RABL6: variants seen among roughly 807,000 people sequenced by gnomAD.
The protein encoded by RABL6 is rab-like protein 6.
A neutral mutation model predicts 72.9 loss-of-function variants in RABL6; 28 were observed. That is an observed-to-expected ratio of 0.38 (90% CI 0.28 to 0.53). The LOEUF (loss-of-function observed/expected upper bound fraction) is 0.53, where lower values mean the gene tolerates loss of function less well. Among genes scored for constraint, RABL6 ranks in the 20% least tolerant of loss-of-function variants. RABL6 has a pLI of 0.80. For synonymous variants in RABL6, 477 were observed against 421.2 expected (o/e 1.13, Z -1.62); for missense variants, 1,029 against 1,008.4 (o/e 1.02, Z -0.28).
intron 1 of RABL6, chr9:136,809,350 C>A: frequency 5.2e-6 from 1 of 193,378 alleles, no homozygotes; most frequent in South Asian, 8.5e-5. Flanking sequence ...GTGAAGATGT[C>A]GCCTTCCTTA....
Position 136,826,046 on chromosome 9 carries a change from C to T in RABL6, c.313+220C>T, listed in dbSNP as rs920047920. On this transcript the variant is annotated intron_variant, in intron 3 of 14. Coordinates refer to ENST00000311502, the MANE Select transcript of RABL6 (RefSeq NM_024718.5). This position sits in a 1 kb window ranked among gnomAD's most constrained non-coding sequence, Gnocchi z 4.9. ...TGCTTTGCTGCTTTAGCATACTCCC[C>T]GTCTCTGAGTGACCGCGTGCACGGT... 2.0e-5 allele frequency among the ~76,000 whole-genome samples: 3 copies of T among 152,180 alleles called. No individual in the cohort carries two copies. The highest frequency in any genetic ancestry group is 7.2e-5 in the African/African-American group (3 of 41,426).
intron 1 of RABL6, chr9:136,821,416 C>T (rs1166338791): frequency 5.1e-6 from 5 of 985,394 alleles, no homozygotes; most frequent in South Asian, 4.7e-5. Flanking sequence ...GGTGCCGGGG[C>T]GGGGAGGCAG....
At position 136,840,357 on chromosome 9, in the gene RABL6, CAAG is replaced by C. The variant is rs760329843; in HGVS notation, c.2030_2032del (p.Lys677del). 4 of 1,559,434 alleles carry C rather than the reference CAAG, an allele frequency of 2.6e-6. No individual in the cohort carries two copies. Among genetic ancestry groups the C allele is most frequent in the South Asian group, 1.2e-5 (1 of 85,496 alleles). On this transcript the variant is annotated inframe_deletion, in exon 15 of 15. Transcript: ENST00000311502. ...AAGCTGCCAAGAAGAAGAGCAAACA[CAAG>C]AAGAGCAAGGACAAGGAGGAGGGCA...
chr9:136,837,829 C>T (rs191160714), intron 9 of RABL6, 33 bp from the exon 10 acceptor site: 114 of 1,544,626 alleles, frequency 7.4e-5, no homozygotes, highest in Admixed American at 4.1e-4. Context: ...GTTCTGGTGC[C>T]GAGTGAAGAG....
At chr9:136,824,844 G>A (rs1408992417) in intron 2 of RABL6, among the ~76,000 whole-genome samples, 2 of 152,212 alleles carry the variant, frequency 1.3e-5, no homozygotes, top group South Asian at 2.1e-4. Context: ...CAGGGCCGGC[G>A]CACAGAAGCT....
At chr9:136,813,574 T>C in intron 1 of RABL6, 1 of 361,706 alleles carries the variant, frequency 2.8e-6, no homozygotes, top group Non-Finnish European at 5.2e-6. Context: ...CCTTTACTCT[T>C]CCCATCCTTG....
chr9:136,808,984 T>C (rs1847941023), intron 1 of RABL6: 1 of 152,200 alleles, frequency 6.6e-6, no homozygotes. Flanking sequence ...GACGCTCCAT[T>C]CCTTTGTTAT....
intron 2 of RABL6, among the ~76,000 whole-genome samples, chr9:136,824,752 G>C: frequency 6.6e-6 from 1 of 152,212 alleles, no homozygotes; most frequent in African/African-American, 2.4e-5. Context: ...CTGCTGTGCA[G>C]GAACAGCCGT....
At position 136,835,711 on chromosome 9, in the gene RABL6, C is replaced by G. The variant is rs763591742; in HGVS notation, c.706-31C>G. On this transcript the variant is annotated intron_variant, in intron 7 of 14. Coordinates refer to ENST00000311502, the MANE Select transcript of RABL6 (RefSeq NM_024718.5). ...GGGGCACTCGCAGCAGGAAGGAGCC[C>G]TGCTCAGGCCTGCGTGCTCCCTTTC... The G allele has an allele frequency of 7.2e-6, 11 of 1,533,956 alleles. No homozygotes were observed. The Admixed American group carries it at 2.2e-4, about 31-fold the overall frequency.
chr9:136,840,660 T>C lies in RABL6; in HGVS notation c.*138T>C, dbSNP rs1341023342. ...TTCTGAGCTGGAAGAGGCCGGGCAT[T>C]GGTGGTCCCCAGGCTGGGCCCTGCA... On this transcript the variant is annotated 3_prime_UTR_variant, in exon 15 of 15. Transcript: ENST00000311502. 1.9e-6 allele frequency: 3 copies of C among 1,549,354 alleles called. No individual in the cohort carries two copies. Among genetic ancestry groups the C allele is most frequent in the South Asian group, 2.4e-5 (2 of 84,024 alleles).
intron 11 of RABL6, 47 bp downstream of exon 11, chr9:136,839,168 G>T (rs748157218): frequency 6.2e-7 from 1 of 1,604,642 alleles, no homozygotes; most frequent in Admixed American, 1.7e-5. Context: ...CCCGGGTGGG[G>T]CAGTTCAGGA....
intron 2 of RABL6, 131 bp downstream of exon 2, chr9:136,823,790 T>A: frequency 8.2e-7 from 1 of 1,219,402 alleles, no homozygotes; most frequent in African/African-American, 1.5e-5. Context: ...CCTGCTGACG[T>A]GGGGGCCCTG....
At chr9:136,818,362 C>CAAAAAAAAAAAAAAAACAAAAA (rs1564360779) in intron 1 of RABL6, among the ~76,000 whole-genome samples, 1 of 15,006 alleles carries the variant, frequency 6.7e-5, no homozygotes, top group Non-Finnish European at 1.2e-4. Context: ...GACTCTGTCT[C>CAAAAAAAAAAAAAAAACAAAAA]AAAAAAAAAA....
chr9:136,810,749 G>A (rs931673272), intron 1 of RABL6, among the ~76,000 whole-genome samples: 2 of 152,164 alleles, frequency 1.3e-5, no homozygotes, highest in Non-Finnish European at 2.9e-5. Context: ...CACCGTGTTA[G>A]CCAGGATGGT....
chr9:136,840,796 T>C lies in RABL6; in HGVS notation c.*274T>C, dbSNP rs1254795974. 6.5e-7 allele frequency: 1 copy of C among 1,547,394 alleles called. No homozygotes were observed. Among genetic ancestry groups the C allele is most frequent in the African/African-American group, 1.4e-5 (1 of 72,924 alleles). On this transcript the variant is annotated 3_prime_UTR_variant, in exon 15 of 15. Transcript: ENST00000311502. Reference sequence around the variant, plus strand: ...GGCCCTCTCGGGGCAGAGCCGCCAGTGTTTCTCAGGGATGTGACTGAGGCC... The same window carrying C: ...GGCCCTCTCGGGGCAGAGCCGCCAGCGTTTCTCAGGGATGTGACTGAGGCC...
rs565192893 is a variant in RABL6 at position 136,821,347 on chromosome 9, G to C, written c.131-2178G>C. 1.1e-3 allele frequency: 1,075 copies of C among 985,412 alleles called. 10 individuals carry two copies. The African/African-American group carries it at 0.017, about 16-fold the overall frequency. 61.0% of individuals were successfully genotyped at this position (985,412 alleles called of 1,614,324 possible). ...ACGCCCCACTCCCGGGAAAGACCCG[G>C]AGACGGGACCACCGCATGTGGAAAC... On this transcript the variant is annotated intron_variant, in intron 1 of 14. Transcript: ENST00000311502.
At chr9:136,815,990 C>T (rs1848112274) in intron 1 of RABL6, among the ~76,000 whole-genome samples, 2 of 152,046 alleles carry the variant, frequency 1.3e-5, no homozygotes, top group Admixed American at 1.3e-4. Flanking sequence ...TGGATGAATC[C>T]TAAAGGTTTT....
intron 8 of RABL6, chr9:136,836,245 AC>A: frequency 5.3e-6 from 1 of 187,064 alleles, no homozygotes; most frequent in Non-Finnish European, 1.1e-5. Flanking sequence ...ACAGGCCAGG[AC>A]ATGGAGGTCT....
chr9:136,836,959 C>T (rs903737004), intron 8 of RABL6: 15 of 335,640 alleles, frequency 4.5e-5, no homozygotes, highest in East Asian at 7.9e-5. Flanking sequence ...CCGCAAGCTC[C>T]GCCTCCCGGG....
Sources: allele counts gnomAD v4.1 joint callset (sites outside exome capture counted in the v4.1 genomes callset), GRCh38; gene constraint gnomAD v4.1.1; non-coding constraint Gnocchi (gnomAD v3.1); transcripts MANE v1.5; gene names NCBI Gene and HGNC (gene_info 2026-07-23, HGNC 2026-07-21).